PTPRK: variants seen among roughly 807,000 people sequenced by gnomAD.
The protein encoded by PTPRK is receptor-type tyrosine-protein phosphatase kappa.
PTPRK carries 75 observed loss-of-function variants against 178.0 expected under a neutral mutation model. The ratio of observed to expected loss-of-function variants is 0.42; its 90% CI spans 0.35 to 0.51. The LOEUF (loss-of-function observed/expected upper bound fraction) is 0.51, where lower values mean the gene tolerates loss of function less well. PTPRK is among the 20% of genes least tolerant of loss of function. The pLI is 0.02. For missense variants in PTPRK, 1,441 were observed against 1,797.8 expected (o/e 0.80, Z 3.59); for synonymous variants, 637 against 620.6 (o/e 1.03, Z -0.39).
At chr6:128,247,287 G>A (rs745831039) in intron 3 of PTPRK, among the ~76,000 whole-genome samples, 2 of 151,812 alleles carry the variant, frequency 1.3e-5, no homozygotes, top group Non-Finnish European at 2.9e-5. Context: ...AAGAGCCCAG[G>A]CTCCAAAGTC....
At chr6:128,360,071 G>T (rs1834523006) in intron 2 of PTPRK, among the ~76,000 whole-genome samples, 1 of 152,086 alleles carries the variant, frequency 6.6e-6, no homozygotes, top group South Asian at 2.1e-4. Flanking sequence ...TTTTGTATTT[G>T]TTGTTGCTCA....
At chr6:128,043,114 C>T (rs1354670673) in intron 13 of PTPRK, among the ~76,000 whole-genome samples, 1 of 151,980 alleles carries the variant, frequency 6.6e-6, no homozygotes, top group East Asian at 1.9e-4. Context: ...CAGTTTGATG[C>T]TATCAGTATA....
At chr6:128,486,235 G>A (rs574820116) in intron 1 of PTPRK, among the ~76,000 whole-genome samples, 10 of 152,110 alleles carry the variant, frequency 6.6e-5, no homozygotes, top group African/African-American at 2.2e-4. Context: ...GGGTGTGCTT[G>A]TCTGATTATT....
chr6:128,261,165 T>C (rs1164371313), intron 3 of PTPRK, among the ~76,000 whole-genome samples: 4 of 152,084 alleles, frequency 2.6e-5, no homozygotes, highest in African/African-American at 9.7e-5. Flanking sequence ...AATAAAACTT[T>C]CAAAAAAGAA....
chr6:128,520,552 G>A lies in PTPRK; in HGVS notation c.-194C>T, dbSNP rs1477509183. The stretch of plus-strand genomic sequence containing the variant: ...GAAAGCGTCGCCAGCGTCGCCGGCC[G>A]GCCGCGGCGGCAGCTCTCCATGCTC... On this transcript the variant is annotated 5_prime_UTR_variant, in exon 1 of 30. Transcript: ENST00000368226. The A allele has an allele frequency of 5.2e-6, 3 of 576,254 alleles. No homozygotes were observed. The allele number at this position is 576,254 out of a possible 1,614,324, so 35.7% of individuals were successfully genotyped here.
chr6:128,024,361 C>T (rs1267982845), intron 13 of PTPRK, among the ~76,000 whole-genome samples: 1 of 152,100 alleles, frequency 6.6e-6, no homozygotes. Context: ...CATCAACAAA[C>T]CATGATCTTA....
At chr6:128,052,484 A>AT (rs1443072596) in intron 13 of PTPRK, among the ~76,000 whole-genome samples, 6 of 152,200 alleles carry the variant, frequency 3.9e-5, no homozygotes, top group African/African-American at 1.4e-4. Context: ...GTTTTTGAAA[A>AT]TTATAGCTCA....
At chr6:128,483,706 G>A (rs1405436747) in intron 1 of PTPRK, among the ~76,000 whole-genome samples, 4 of 152,084 alleles carry the variant, frequency 2.6e-5, no homozygotes, top group Admixed American at 2.0e-4. Flanking sequence ...CCCTTGATAT[G>A]ACGAACCAAC....
At chr6:128,393,408 T>G (rs78499197) in intron 2 of PTPRK, among the ~76,000 whole-genome samples, 3 of 152,130 alleles carry the variant, frequency 2.0e-5, no homozygotes, top group Non-Finnish European at 4.4e-5. Flanking sequence ...GACCTTATAG[T>G]CTAATGGACA....
At chr6:127,985,919 G>A in intron 21 of PTPRK, 44 bp from the exon 22 acceptor site, 1 of 1,575,478 alleles carries the variant, frequency 6.3e-7, no homozygotes, top group Non-Finnish European at 8.7e-7. Flanking sequence ...CCATTTTAAT[G>A]GCCAAAATAA....
rs890514905 is a variant in PTPRK at position 128,519,733 on chromosome 6, A to AG, written c.100+525dup. ...CAACCCAGAGCTGGGGGAGGAGAAAAGGGGACTCCGGGAGGGACGGGGAAG... is the reference window on the plus strand; with the variant it reads ...CAACCCAGAGCTGGGGGAGGAGAAAAGGGGGACTCCGGGAGGGACGGGGAAG... On this transcript the variant is annotated intron_variant, in intron 1 of 29. Transcript: ENST00000368226. The surrounding 1 kb of genome is among the most constrained non-coding windows in gnomAD (Gnocchi z 4.3). Among the ~76,000 whole-genome samples the AG allele has an allele frequency of 6.6e-6, 1 of 152,204 alleles. No homozygotes were observed. The highest frequency in any genetic ancestry group is 1.5e-5 in the Non-Finnish European group (1 of 68,028).
intron 5 of PTPRK, among the ~76,000 whole-genome samples, chr6:128,225,320 T>C (rs1187141922): frequency 6.6e-6 from 1 of 152,208 alleles, no homozygotes; most frequent in Admixed American, 6.5e-5. Context: ...TATTTTCTTA[T>C]GTTTGATATT....
At chr6:127,976,844 T>A in intron 26 of PTPRK, 62 bp from the exon 27 acceptor site, 14 of 1,610,100 alleles carry the variant, frequency 8.7e-6, no homozygotes, top group Non-Finnish European at 1.2e-5. Flanking sequence ...GTTAGGAGAG[T>A]ATAAAGCAGA....
intron 6 of PTPRK, among the ~76,000 whole-genome samples, chr6:128,193,622 G>C (rs1037108607): frequency 7.9e-5 from 12 of 152,066 alleles, no homozygotes; most frequent in African/African-American, 2.9e-4. Context: ...TGAAGTGCAA[G>C]ATCTGTAGAA....
chr6:128,075,223 G>C (rs1783576612), intron 11 of PTPRK, among the ~76,000 whole-genome samples: 1 of 151,938 alleles, frequency 6.6e-6, no homozygotes, highest in South Asian at 2.1e-4. Flanking sequence ...GACTACTCCA[G>C]CCTTCTGGAT....
chr6:128,061,699 T>C (rs994920322), intron 13 of PTPRK, among the ~76,000 whole-genome samples: 1 of 152,122 alleles, frequency 6.6e-6, no homozygotes, highest in Non-Finnish European at 1.5e-5. Context: ...TCACTGAAAG[T>C]GGCTTATGTA....
At chr6:128,073,668 T>C (rs568445258) in intron 11 of PTPRK, among the ~76,000 whole-genome samples, 5 of 152,114 alleles carry the variant, frequency 3.3e-5, no homozygotes, top group African/African-American at 9.6e-5. Context: ...AGCTGTGGAC[T>C]GGGATTCTAG....
intron 2 of PTPRK, among the ~76,000 whole-genome samples, chr6:128,339,908 G>A (rs988801212): frequency 5.3e-5 from 8 of 152,098 alleles, no homozygotes; most frequent in African/African-American, 1.9e-4. Context: ...AAGTTTCTTA[G>A]GGTGAGTAAG....
intron 22 of PTPRK, among the ~76,000 whole-genome samples, chr6:127,984,173 T>C (rs1434772729): frequency 1.3e-5 from 2 of 152,176 alleles, no homozygotes; most frequent in East Asian, 3.8e-4. Flanking sequence ...ATACACATAA[T>C]GTAGAGTGAT....
Sources: allele counts gnomAD v4.1 joint callset (sites outside exome capture counted in the v4.1 genomes callset), GRCh38; gene constraint gnomAD v4.1.1; non-coding constraint Gnocchi (gnomAD v3.1); transcripts MANE v1.5; gene names NCBI Gene and HGNC (gene_info 2026-07-23, HGNC 2026-07-21).